Variants in LDB2 observed in about 807,000 individuals in gnomAD.
The protein encoded by LDB2 is LIM domain-binding protein 2.
Under a neutral mutation model 44.3 loss-of-function variants are expected in LDB2, and 12 were observed. The observed-to-expected ratio is 0.27, with a 90% CI of 0.17 to 0.44. LDB2 has a LOEUF of 0.44. Ranked by LOEUF, LDB2 falls within the 20% of genes least tolerant of loss-of-function variation. The probability of loss-of-function intolerance (pLI) is 1.00; values close to 1 mark genes in which losing one functional copy is unlikely to be tolerated. For synonymous variants in LDB2, 164 were observed against 174.8 expected (o/e 0.94, Z 0.49); for missense variants, 344 against 473.5 (o/e 0.73, Z 2.54).
chr4:16,774,830 A>C (rs1348958136), intron 1 of LDB2, among the ~76,000 whole-genome samples: 2 of 152,232 alleles, frequency 1.3e-5, no homozygotes, highest in Non-Finnish European at 2.9e-5. Flanking sequence ...GGTTACATAC[A>C]TGCATGCATA....
chr4:16,559,274 T>G (rs1456876119), intron 5 of LDB2, among the ~76,000 whole-genome samples: 1 of 152,118 alleles, frequency 6.6e-6, no homozygotes, highest in African/African-American at 2.4e-5. Flanking sequence ...ACTGGCAAAT[T>G]GGATAAAGAG....
At chr4:16,535,111 T>G (rs574042570) in intron 5 of LDB2, among the ~76,000 whole-genome samples, 56 of 152,284 alleles carry the variant, frequency 3.7e-4, no homozygotes, top group African/African-American at 1.1e-3. Flanking sequence ...GGGCTTCGGG[T>G]CAGCTGCTGT....
At chr4:16,714,919 C>T (rs1756746557) in intron 2 of LDB2, among the ~76,000 whole-genome samples, 1 of 152,134 alleles carries the variant, frequency 6.6e-6, no homozygotes, top group Non-Finnish European at 1.5e-5. Context: ...CGCCTTAAAT[C>T]CAGGATGATC....
intron 5 of LDB2, among the ~76,000 whole-genome samples, chr4:16,565,504 T>C (rs777386037): frequency 6.6e-6 from 1 of 152,074 alleles, no homozygotes; most frequent in Admixed American, 6.5e-5. Context: ...ATGAGAAATA[T>C]GTCTATCTCA....
intron 1 of LDB2, among the ~76,000 whole-genome samples, chr4:16,867,104 T>G (rs561945867): frequency 6.6e-6 from 1 of 152,236 alleles, no homozygotes; most frequent in Non-Finnish European, 1.5e-5. Context: ...CCAGCCTCCA[T>G]GCTGTGGGGA....
At chr4:16,571,170 T>A (rs370448496) in intron 5 of LDB2, among the ~76,000 whole-genome samples, 2 of 152,342 alleles carry the variant, frequency 1.3e-5, no homozygotes, top group African/African-American at 4.8e-5. Flanking sequence ...TGGAGTGCAG[T>A]GGGCTGTCAC....
chr4:16,629,575 G>A (rs1222275387), intron 2 of LDB2, among the ~76,000 whole-genome samples: 1 of 151,994 alleles, frequency 6.6e-6, no homozygotes, highest in Non-Finnish European at 1.5e-5. Context: ...AAAGAGAAAG[G>A]AATAGCATCA....
intron 5 of LDB2, among the ~76,000 whole-genome samples, chr4:16,557,046 G>C (rs550644527): frequency 2.0e-4 from 30 of 152,310 alleles, no homozygotes; most frequent in Non-Finnish European, 3.1e-4. Flanking sequence ...CTTCCATGAA[G>C]AATTTGCAGA....
At chr4:16,778,922 G>C (rs1457282540) in intron 1 of LDB2, among the ~76,000 whole-genome samples, 1 of 152,178 alleles carries the variant, frequency 6.6e-6, no homozygotes, top group East Asian at 1.9e-4. Context: ...GGCCCTTCCA[G>C]TTCTAATATT....
chr4:16,610,339 G>T (rs1042637724), intron 2 of LDB2, among the ~76,000 whole-genome samples: 3 of 152,128 alleles, frequency 2.0e-5, no homozygotes, highest in African/African-American at 7.2e-5. Flanking sequence ...TCCATCAAGG[G>T]TGCAGAACGG....
intron 5 of LDB2, among the ~76,000 whole-genome samples, chr4:16,561,377 A>G (rs1157725725): frequency 6.6e-6 from 1 of 152,206 alleles, no homozygotes; most frequent in Non-Finnish European, 1.5e-5. Flanking sequence ...AAGTCTCAGG[A>G]TACAAAATCA....
At chr4:16,614,144 C>T (rs1272421819) in intron 2 of LDB2, among the ~76,000 whole-genome samples, 1 of 152,082 alleles carries the variant, frequency 6.6e-6, no homozygotes, top group African/African-American at 2.4e-5. Context: ...CTTTGAAAAG[C>T]CTGCCAAAAA....
Position 16,586,000 on chromosome 4 carries a change from T to C in LDB2, c.537A>G (p.Gln179=). The C allele has an allele frequency of 1.2e-6, 2 of 1,613,608 alleles. No individual in the cohort carries two copies. Among genetic ancestry groups the C allele is most frequent in the Non-Finnish European group, 8.5e-7 (1 of 1,179,608 alleles). ...ACAGCTGATCCAGGACCTGAGGATC[T>C]TGTGCCTAAATGGAAAAAAAACCCC... ...VPRSILAMHA[Q]DPQVLDQLSK... Residue 179 remains glutamine, a synonymous_variant, in exon 5 of 8, where the codon CAA becomes CAG. Coordinates refer to ENST00000304523, the MANE Select transcript of LDB2 (RefSeq NM_001290.5).
intron 5 of LDB2, among the ~76,000 whole-genome samples, chr4:16,527,669 C>A (rs1469491464): frequency 6.6e-6 from 1 of 152,080 alleles, no homozygotes; most frequent in Non-Finnish European, 1.5e-5. Flanking sequence ...GGAACCAGCC[C>A]ACATGCCCAT....
intron 5 of LDB2, among the ~76,000 whole-genome samples, chr4:16,583,962 C>A (rs559890608): frequency 6.6e-6 from 1 of 152,186 alleles, no homozygotes; most frequent in Non-Finnish European, 1.5e-5. Context: ...TGGAAAACTG[C>A]CAGGAGTAAT....
intron 1 of LDB2, among the ~76,000 whole-genome samples, chr4:16,821,746 CAAAAAAAAAA>C (rs562184189): frequency 1.6e-5 from 1 of 61,752 alleles, no homozygotes; most frequent in Non-Finnish European, 2.9e-5. Context: ...AACATTAAAG[CAAAAAAAAAA>C]AAAAAAAAAA....
At chr4:16,576,970 A>T (rs1171904307) in intron 5 of LDB2, among the ~76,000 whole-genome samples, 1 of 152,206 alleles carries the variant, frequency 6.6e-6, no homozygotes, top group Non-Finnish European at 1.5e-5. Flanking sequence ...CAACAGAATG[A>T]AGGACGAAAG....
At chr4:16,674,032 G>A (rs544608101) in intron 2 of LDB2, among the ~76,000 whole-genome samples, 16 of 152,214 alleles carry the variant, frequency 1.1e-4, no homozygotes, top group Middle Eastern at 3.4e-3. Context: ...GGAACAACTC[G>A]CATTTGTATA....
chr4:16,832,554 G>C (rs1784248054), intron 1 of LDB2, among the ~76,000 whole-genome samples: 1 of 152,082 alleles, frequency 6.6e-6, no homozygotes, highest in Non-Finnish European at 1.5e-5. Context: ...TATGAATTTG[G>C]TATATTCTAA....
Sources: gnomAD v4.1 joint callset for allele counts (sites outside exome capture counted in the v4.1 genomes callset) on GRCh38, gnomAD v4.1.1 for gene constraint, MANE v1.5 for transcripts, NCBI Gene and HGNC (gene_info 2026-07-23, HGNC 2026-07-21) for gene names.